Variants in MSI2 observed in about 807,000 individuals in gnomAD.
MSI2 encodes the protein musashi RNA binding protein 2.
In MSI2, 17 loss-of-function variants were observed where a neutral mutation model predicts 45.6. The observed-to-expected ratio is 0.37, with a 90% CI of 0.26 to 0.56. MSI2 has a LOEUF of 0.56. Among genes scored for constraint, MSI2 ranks in the 20% least tolerant of loss-of-function variants. The pLI, the probability that MSI2 is intolerant of heterozygous loss-of-function variation, is 0.77. For synonymous variants in MSI2, 156 were observed against 158.2 expected (o/e 0.99, Z 0.11); for missense variants, 293 against 444.2 (o/e 0.66, Z 3.06).
intron 5 of MSI2, among the ~76,000 whole-genome samples, chr17:57,270,587 G>T (rs764564972): frequency 6.6e-6 from 1 of 152,194 alleles, no homozygotes; most frequent in Non-Finnish European, 1.5e-5. Flanking sequence ...TACCAGCTAT[G>T]GCATTTTAGA....
At chr17:57,379,934 T>TC (rs1384180652) in intron 5 of MSI2, among the ~76,000 whole-genome samples, 1 of 152,230 alleles carries the variant, frequency 6.6e-6, no homozygotes, top group East Asian at 1.9e-4. Flanking sequence ...TTCTTTTCTT[T>TC]CTTTTTTTTG....
intron 7 of MSI2, among the ~76,000 whole-genome samples, chr17:57,550,576 T>C (rs1028489423): frequency 6.6e-6 from 1 of 152,170 alleles, no homozygotes; most frequent in African/African-American, 2.4e-5. Flanking sequence ...CTTTTTACCT[T>C]TTCTTTTCCA....
intron 7 of MSI2, among the ~76,000 whole-genome samples, chr17:57,561,404 G>A (rs183210376): frequency 2.0e-4 from 30 of 152,242 alleles, no homozygotes; most frequent in Admixed American, 5.2e-4. Context: ...TTGCTCTCCC[G>A]TCTTGCTGTT....
At chr17:57,698,137 CCTCA>C in the MSI2 span, among the ~76,000 whole-genome samples, 1 of 152,170 alleles carries the variant, frequency 6.6e-6, no homozygotes, top group African/African-American at 2.4e-5. Context: ...AGGCTCTCTT[CCTCA>C]CTCAGCAAAT....
At chr17:57,578,476 CT>C (rs1316434516) in intron 7 of MSI2, among the ~76,000 whole-genome samples, 2 of 151,972 alleles carry the variant, frequency 1.3e-5, no homozygotes, top group South Asian at 4.2e-4. Flanking sequence ...GGTGCCAGGA[CT>C]GGGGGGGTAG....
At chr17:57,489,712 T>C (rs922921636) in intron 6 of MSI2, among the ~76,000 whole-genome samples, 1 of 152,180 alleles carries the variant, frequency 6.6e-6, no homozygotes. Context: ...TATTTATCAG[T>C]AGCAGCATCC....
intron 6 of MSI2, among the ~76,000 whole-genome samples, chr17:57,507,842 T>C (rs936709748): frequency 3.9e-5 from 6 of 152,158 alleles, no homozygotes; most frequent in Non-Finnish European, 7.3e-5. Context: ...GGACGGGTCT[T>C]GTTGTATTGC....
At chr17:57,688,827 G>A (rs778304520), downstream of MSI2, among the ~76,000 whole-genome samples, 10 of 152,174 alleles carry the variant, frequency 6.6e-5, no homozygotes, top group Non-Finnish European at 1.3e-4. Flanking sequence ...GAGGTGACAT[G>A]CTGAAAAATA....
At chr17:57,518,788 G>A (rs2086523772) in intron 6 of MSI2, among the ~76,000 whole-genome samples, 1 of 152,236 alleles carries the variant, frequency 6.6e-6, no homozygotes, top group Non-Finnish European at 1.5e-5. Context: ...CTCACAATCA[G>A]TGCTGAACAC....
chr17:57,419,398 T>C (rs1361641180), intron 6 of MSI2, among the ~76,000 whole-genome samples: 4 of 152,010 alleles, frequency 2.6e-5, no homozygotes, highest in Non-Finnish European at 4.4e-5. Context: ...AGTCTCACTC[T>C]GTCACCCAGG....
chr17:57,365,358 T>A (rs1052952696), intron 5 of MSI2, among the ~76,000 whole-genome samples: 1 of 152,250 alleles, frequency 6.6e-6, no homozygotes, highest in African/African-American at 2.4e-5. Flanking sequence ...TCGTTTGTTC[T>A]ACCAACAAAT....
intron 5 of MSI2, among the ~76,000 whole-genome samples, chr17:57,328,433 G>T (rs117086010): frequency 6.6e-6 from 1 of 152,130 alleles, no homozygotes; most frequent in Non-Finnish European, 1.5e-5. Flanking sequence ...TTCTTTCCTT[G>T]TAGGCTTTCT....
chr17:57,369,703 G>T (rs1335449242), intron 5 of MSI2, among the ~76,000 whole-genome samples: 2 of 152,176 alleles, frequency 1.3e-5, no homozygotes, highest in African/African-American at 4.8e-5. Context: ...GGTTTTTTGT[G>T]ACTCATCTCA....
intron 5 of MSI2, among the ~76,000 whole-genome samples, chr17:57,292,431 G>A (rs1910504605): frequency 2.6e-5 from 4 of 152,232 alleles, no homozygotes; most frequent in African/African-American, 9.6e-5. Context: ...AAGGAGGAGG[G>A]GTGAGAGGCA....
chr17:57,267,610 C>A (rs1225867918), intron 5 of MSI2: 6 of 151,684 alleles, frequency 4.0e-5, no homozygotes, highest in Admixed American at 3.9e-4. Flanking sequence ...CGGCCGAAAA[C>A]CCCGAGAACA....
rs370666046 is a variant in MSI2 at position 57,370,902 on chromosome 17, A to C, written c.313-30477A>C. 1.1e-4 allele frequency among the ~76,000 whole-genome samples: 16 copies of C among 152,306 alleles called. No individual in the cohort carries two copies. In the East Asian group the frequency reaches 2.7e-3, roughly 26 times the overall value. On this transcript the variant is annotated intron_variant, in intron 5 of 13. Transcript: ENST00000284073. ...ACCAAACAGCTGGACTTTAAATGTT[A>C]ATGTTAATATTTCACTGTGACTTAT...
At chr17:57,467,394 G>A (rs1027180291) in intron 6 of MSI2, among the ~76,000 whole-genome samples, 12 of 152,176 alleles carry the variant, frequency 7.9e-5, no homozygotes, top group Admixed American at 5.2e-4. Context: ...ACAGATGCAC[G>A]GATAGAAAGA....
chr17:57,480,956 T>C (rs1333553633), intron 6 of MSI2, among the ~76,000 whole-genome samples: 2 of 152,194 alleles, frequency 1.3e-5, no homozygotes, highest in Non-Finnish European at 2.9e-5. Context: ...GTATTGCCAG[T>C]GACCATTAGG....
chr17:57,419,886 C>T (rs764498018), intron 6 of MSI2, among the ~76,000 whole-genome samples: 1 of 152,162 alleles, frequency 6.6e-6, no homozygotes, highest in Non-Finnish European at 1.5e-5. Context: ...CCCCTGAGTC[C>T]GCACTGCTGC....
Sources: allele counts gnomAD v4.1 joint callset (sites outside exome capture counted in the v4.1 genomes callset), GRCh38; gene constraint gnomAD v4.1.1; transcripts MANE v1.5; gene names NCBI Gene and HGNC (gene_info 2026-07-23, HGNC 2026-07-21).